The following GTF2A1L variants were observed in gnomAD, a reference collection of about 807,000 sequenced individuals.
GTF2A1L encodes general transcription factor IIA subunit 1 like, also known as TFIIA-alpha and beta-like factor.
A neutral mutation model predicts 49.7 loss-of-function variants in GTF2A1L; 48 were observed. The observed-to-expected ratio is 0.97, with a 90% CI of 0.77 to 1.23. The LOEUF is 1.23. GTF2A1L is among the 50% of genes most tolerant of loss of function. The probability of loss-of-function intolerance (pLI) is 0.00; values close to 1 mark genes in which losing one functional copy is unlikely to be tolerated. For missense variants in GTF2A1L, 736 were observed against 564.8 expected (o/e 1.30, Z -3.07); for synonymous variants, 246 against 193.5 (o/e 1.27, Z -2.25).
intron 3 of GTF2A1L, among the ~76,000 whole-genome samples, chr2:48,631,188 T>G (rs189404463): frequency 3.6e-4 from 55 of 152,262 alleles, no homozygotes; most frequent in Admixed American, 3.1e-3. Flanking sequence ...GTTTTCAGCA[T>G]ATTTGGAATA....
chr2:48,679,557 C>G lies in GTF2A1L; in HGVS notation c.*115C>G, dbSNP rs1679657675. Reference sequence around the variant, plus strand: ...CACAGAGCTGTTCAAATTTTTAGTTCACTGTATGGAATTTAATAAAATTAT... The same window carrying G: ...CACAGAGCTGTTCAAATTTTTAGTTGACTGTATGGAATTTAATAAAATTAT... On this transcript the variant is annotated 3_prime_UTR_variant, in exon 9 of 9. Coordinates refer to ENST00000403751, the MANE Select transcript of GTF2A1L (RefSeq NM_006872.5). 8 of 1,477,208 alleles carry G rather than the reference C, an allele frequency of 5.4e-6. No individual in the cohort carries two copies. The highest frequency in any genetic ancestry group is 6.3e-6 in the Non-Finnish European group (7 of 1,118,518). The allele number at this position is 1,477,208 out of a possible 1,614,324, so 91.5% of individuals were successfully genotyped here.
At chr2:48,627,042 A>C (rs1266098859) in intron 3 of GTF2A1L, among the ~76,000 whole-genome samples, 1 of 143,332 alleles carries the variant, frequency 7.0e-6, no homozygotes, top group Non-Finnish European at 1.6e-5. Flanking sequence ...TTCAGCCATG[A>C]AGCCATCTGG....
intron 3 of GTF2A1L, among the ~76,000 whole-genome samples, chr2:48,640,513 C>T (rs2104164348): frequency 6.6e-6 from 1 of 151,826 alleles, no homozygotes; most frequent in African/African-American, 2.4e-5. Context: ...AAACAACAGA[C>T]ACTGGGTCTA....
chr2:48,676,992 T>C (rs974287026), intron 8 of GTF2A1L, among the ~76,000 whole-genome samples: 1 of 151,852 alleles, frequency 6.6e-6, no homozygotes, highest in Non-Finnish European at 1.5e-5. Context: ...TCGTCCCTAA[T>C]GTTAAGACAT....
intron 4 of GTF2A1L, among the ~76,000 whole-genome samples, chr2:48,643,483 G>A (rs1205203423): frequency 6.6e-6 from 1 of 152,014 alleles, no homozygotes; most frequent in Non-Finnish European, 1.5e-5. Flanking sequence ...TAGGATTTTT[G>A]GAAAGAATGG....
intron 3 of GTF2A1L, among the ~76,000 whole-genome samples, chr2:48,631,320 C>T (rs1334477854): frequency 6.6e-6 from 1 of 152,038 alleles, no homozygotes; most frequent in African/African-American, 2.4e-5. Context: ...TTGGTCTGTT[C>T]AGAGTTTTAA....
chr2:48,628,841 G>C (rs2104097726), intron 3 of GTF2A1L, among the ~76,000 whole-genome samples: 1 of 144,276 alleles, frequency 6.9e-6, no homozygotes, highest in East Asian at 1.9e-4. Context: ...GATTCTTATA[G>C]TTTGAGGTCT....
chr2:48,665,709 GGTTT>G (rs533985056), intron 6 of GTF2A1L, among the ~76,000 whole-genome samples: 6 of 151,990 alleles, frequency 3.9e-5, no homozygotes, highest in Middle Eastern at 6.8e-3. Context: ...AATTTGTTAG[GGTTT>G]GTTTTATGTT....
chr2:48,643,349 T>C (rs558480804), intron 4 of GTF2A1L, among the ~76,000 whole-genome samples: 17 of 152,286 alleles, frequency 1.1e-4, no homozygotes, highest in East Asian at 7.7e-4. Flanking sequence ...CTGAGAGTAG[T>C]ACATAATCTA....
At chr2:48,632,727 T>A in intron 3 of GTF2A1L, 2 of 161,600 alleles carry the variant, frequency 1.2e-5, no homozygotes, top group African/African-American at 4.8e-5. Flanking sequence ...GATATAATGG[T>A]CGAAATAAAT....
At chr2:48,635,414 G>A (rs900200015) in intron 3 of GTF2A1L, among the ~76,000 whole-genome samples, 1 of 152,056 alleles carries the variant, frequency 6.6e-6, no homozygotes, top group Non-Finnish European at 1.5e-5. Flanking sequence ...GCAAGCAGGT[G>A]CCCTGAATGC....
chr2:48,656,979 C>T (rs1381665075), intron 6 of GTF2A1L, among the ~76,000 whole-genome samples: 1 of 152,128 alleles, frequency 6.6e-6, no homozygotes, highest in East Asian at 1.9e-4. Context: ...GGTCTTGTTA[C>T]CCTTATGGAA....
intron 6 of GTF2A1L, among the ~76,000 whole-genome samples, chr2:48,653,058 T>C (rs1677953840): frequency 6.6e-6 from 1 of 151,478 alleles, no homozygotes; most frequent in Non-Finnish European, 1.5e-5. Flanking sequence ...TGAAACCCCA[T>C]CTCTACTAAA....
intron 8 of GTF2A1L, among the ~76,000 whole-genome samples, chr2:48,672,403 T>G (rs532235680): frequency 2.6e-5 from 4 of 152,162 alleles, no homozygotes; most frequent in Non-Finnish European, 5.9e-5. Context: ...GAACTTGGTC[T>G]GAGGGACACT....
intron 3 of GTF2A1L, among the ~76,000 whole-genome samples, chr2:48,622,854 T>C (rs1238449116): frequency 6.9e-6 from 1 of 144,002 alleles, no homozygotes; most frequent in Non-Finnish European, 1.5e-5. Context: ...AAAAAAAGCA[T>C]GGTGAACACT....
intron 6 of GTF2A1L, among the ~76,000 whole-genome samples, chr2:48,649,908 C>A (rs754193673): frequency 6.6e-6 from 1 of 152,200 alleles, no homozygotes; most frequent in Admixed American, 6.5e-5. Flanking sequence ...TGGTTTTCAA[C>A]CTTGTTATTT....
At chr2:48,620,142 T>G (rs775984071) in intron 1 of GTF2A1L, among the ~76,000 whole-genome samples, 53 of 152,348 alleles carry the variant, frequency 3.5e-4, no homozygotes, top group Middle Eastern at 6.8e-3. Flanking sequence ...TTTGGCCACT[T>G]TGATAAAGAG....
intron 6 of GTF2A1L, chr2:48,668,813 C>A (rs1159038567): frequency 6.6e-6 from 1 of 150,610 alleles, no homozygotes. Flanking sequence ...CCAGCCTGGG[C>A]GACAGAGCGA....
rs1470200189 is a variant in GTF2A1L at position 48,646,630 on chromosome 2, G to T, written c.566G>T (p.Arg189Ile). 1 of 1,614,110 alleles carries T rather than the reference G, an allele frequency of 6.2e-7. No homozygotes were observed. Among genetic ancestry groups the T allele is most frequent in the Non-Finnish European group, 8.5e-7 (1 of 1,180,026 alleles). ...CAAGCAACTACTGAAAAATCACAGAGAATTGAAACCGTGCTACAGCAACCC... is the reference window on the plus strand; with the variant it reads ...CAAGCAACTACTGAAAAATCACAGATAATTGAAACCGTGCTACAGCAACCC... ...SLQATTEKSQ[R>I]IETVLQQPAI... Residue 189 changes from arginine (R) to isoleucine (I), a missense_variant, in exon 6 of 9, where the codon AGA (arginine) becomes ATA (isoleucine). Coordinates refer to ENST00000403751, the MANE Select transcript of GTF2A1L (RefSeq NM_006872.5).
Sources: gnomAD v4.1 joint callset for allele counts (sites outside exome capture counted in the v4.1 genomes callset) on GRCh38, gnomAD v4.1.1 for gene constraint, MANE v1.5 for transcripts, NCBI Gene and HGNC (gene_info 2026-07-23, HGNC 2026-07-21) for gene names.